The following CSE1L variants were observed in gnomAD, a reference collection of about 807,000 sequenced individuals.
CSE1L encodes exportin-2.
Under a neutral mutation model 120.4 loss-of-function variants are expected in CSE1L, and 24 were observed. That is an observed-to-expected ratio of 0.20 (90% confidence interval 0.14 to 0.28). The LOEUF (loss-of-function observed/expected upper bound fraction) is 0.28. CSE1L is among the 10% of genes least tolerant of loss of function. The probability of loss-of-function intolerance (pLI) is 1.00; values close to 1 mark genes in which losing one functional copy is unlikely to be tolerated. For synonymous variants in CSE1L, 402 were observed against 398.3 expected (o/e 1.01, Z -0.11); for missense variants, 830 against 1,145.2 (o/e 0.72, Z 3.97).
At chr20:49,054,447 G>A (rs1031206186) in intron 1 of CSE1L, among the ~76,000 whole-genome samples, 11 of 152,136 alleles carry the variant, frequency 7.2e-5, no homozygotes, top group South Asian at 2.1e-4. Context: ...TTGGTCAGCC[G>A]TCTGTCATTT....
chr20:49,058,605 C>T, intron 2 of CSE1L, 57 bp downstream of exon 2: 1 of 1,323,272 alleles, frequency 7.6e-7, no homozygotes, highest in Non-Finnish European at 1.1e-6. Context: ...GTGAGAGAAA[C>T]CTATGTATTA....
At chr20:49,070,453 G>A (rs1403887005) in intron 8 of CSE1L, among the ~76,000 whole-genome samples, 156 bp downstream of exon 8, 1 of 152,178 alleles carries the variant, frequency 6.6e-6, no homozygotes, top group African/African-American at 2.4e-5. Flanking sequence ...TTTGGTGTGT[G>A]TAGTATACAG....
chr20:49,071,884 C>T (rs1324831957), intron 8 of CSE1L, among the ~76,000 whole-genome samples: 1 of 149,124 alleles, frequency 6.7e-6, no homozygotes, highest in Non-Finnish European at 1.5e-5. Context: ...AGGAGAATGA[C>T]GTGAACCCAG....
At chr20:49,086,264 TC>T (rs375493619) in intron 16 of CSE1L, among the ~76,000 whole-genome samples, 100 of 152,090 alleles carry the variant, frequency 6.6e-4, no homozygotes, top group African/African-American at 2.4e-3. Context: ...GGATCAGAAA[TC>T]CTAGAGTGGA....
chr20:49,069,650 A>T (rs1387631029), intron 7 of CSE1L, among the ~76,000 whole-genome samples: 1 of 152,236 alleles, frequency 6.6e-6, no homozygotes, highest in Non-Finnish European at 1.5e-5. Context: ...AGAAGTTCTT[A>T]CTTAAATGAG....
intron 22 of CSE1L, 23 bp from the exon 23 acceptor site, chr20:49,094,117 G>T (rs377374408): frequency 8.0e-6 from 11 of 1,370,204 alleles, no homozygotes; most frequent in Non-Finnish European, 1.1e-5. Context: ...CTAATATTAA[G>T]TTGATTTATT....
chr20:49,063,125 TTTA>T, intron 2 of CSE1L, 74 bp from the exon 3 acceptor site: 83 of 714,858 alleles, frequency 1.2e-4, no homozygotes, highest in East Asian at 4.8e-4. Flanking sequence ...TTGATTTTTT[TTTA>T]TATATATATA....
chr20:49,077,860 C>G (rs1294776570), intron 13 of CSE1L, among the ~76,000 whole-genome samples: 1 of 151,970 alleles, frequency 6.6e-6, no homozygotes, highest in Non-Finnish European at 1.5e-5. Context: ...AAAAACTAGC[C>G]GGGCGTGGTG....
At chr20:49,056,058 A>G (rs76783697) in intron 1 of CSE1L, among the ~76,000 whole-genome samples, 1 of 150,946 alleles carries the variant, frequency 6.6e-6, no homozygotes, top group East Asian at 1.9e-4. Context: ...ATGTGGCTAT[A>G]TATCTAAAAG....
chr20:49,072,135 A>C, intron 8 of CSE1L, 151 bp from the exon 9 acceptor site: 1 of 755,114 alleles, frequency 1.3e-6, no homozygotes. Flanking sequence ...GACTTGGTGA[A>C]AAGATTGGTG....
chr20:49,089,299 C>G lies in CSE1L; in HGVS notation c.1874C>G (p.Ser625Cys). The G allele has an allele frequency of 6.2e-7, 1 of 1,611,664 alleles. No individual in the cohort carries two copies. Among genetic ancestry groups the G allele is most frequent in the Non-Finnish European group, 8.5e-7 (1 of 1,179,310 alleles). ...NHYMFEAICL[S>C]IRITCKANPA... ...TACATGTTTGAAGCAATATGTTTATCCATAAGAATAACTTGCAAAGCTAAC... is the reference window on the plus strand; with the variant it reads ...TACATGTTTGAAGCAATATGTTTATGCATAAGAATAACTTGCAAAGCTAAC... The change falls in exon 18 of 25, where the codon TCC becomes TGC. Residue 625 changes from serine to cysteine, a missense_variant. Ser to Cys is a moderately radical substitution (Grantham distance 112). Coordinates refer to ENST00000262982, the MANE Select transcript of CSE1L (RefSeq NM_001316.4).
chr20:49,053,214 A>C (rs1182733259), intron 1 of CSE1L, among the ~76,000 whole-genome samples: 2 of 133,784 alleles, frequency 1.5e-5, no homozygotes, highest in African/African-American at 5.7e-5. Context: ...CACCCTCCCC[A>C]CCCAAGTTTC....
At chr20:49,068,483 C>T (rs919302110) in intron 6 of CSE1L, among the ~76,000 whole-genome samples, 1 of 152,136 alleles carries the variant, frequency 6.6e-6, no homozygotes, top group African/African-American at 2.4e-5. Context: ...CCTATAGTCC[C>T]AGCTACTTGG....
chr20:49,070,384 T>C, intron 8 of CSE1L, 87 bp downstream of exon 8: 1 of 665,616 alleles, frequency 1.5e-6, no homozygotes, highest in Non-Finnish European at 2.7e-6. Flanking sequence ...TACTCTTGCA[T>C]TGTTAAAAGA....
At chr20:49,058,105 AT>A (rs560301308) in intron 1 of CSE1L, among the ~76,000 whole-genome samples, 40 of 149,954 alleles carry the variant, frequency 2.7e-4, no homozygotes, top group Non-Finnish European at 5.5e-4. Context: ...TCCTCCAGTG[AT>A]TTTTTTTTTC....
At chr20:49,058,874 G>A (rs569986281) in intron 2 of CSE1L, among the ~76,000 whole-genome samples, 8 of 152,300 alleles carry the variant, frequency 5.3e-5, no homozygotes, top group African/African-American at 1.9e-4. Context: ...GCTCACACCT[G>A]TAATCCCAGC....
intron 3 of CSE1L, among the ~76,000 whole-genome samples, chr20:49,064,336 T>G (rs2091874783): frequency 6.6e-6 from 1 of 152,230 alleles, no homozygotes; most frequent in Admixed American, 6.5e-5. Flanking sequence ...AGAGTCTTAC[T>G]TTTTTTCTCA....
At chr20:49,077,282 C>T (rs1284742748) in intron 13 of CSE1L, among the ~76,000 whole-genome samples, 3 of 151,056 alleles carry the variant, frequency 2.0e-5, no homozygotes, top group Non-Finnish European at 2.9e-5. Context: ...GCCTCAGCTT[C>T]CCAAGCAGCT....
At chr20:49,055,380 C>A (rs564489851) in intron 1 of CSE1L, among the ~76,000 whole-genome samples, 35 of 152,110 alleles carry the variant, frequency 2.3e-4, no homozygotes, top group Non-Finnish European at 4.6e-4. Context: ...ACAGAAGCTC[C>A]TTCTAGGACA....
Sources: allele counts gnomAD v4.1 joint callset (sites outside exome capture counted in the v4.1 genomes callset), GRCh38; gene constraint gnomAD v4.1.1; transcripts MANE v1.5; gene names NCBI Gene and HGNC (gene_info 2026-07-23, HGNC 2026-07-21).